The following SHROOM4 variants were observed in gnomAD, a reference collection of about 807,000 sequenced individuals.
SHROOM4 encodes the protein protein Shroom4.
Under a neutral mutation model 80.3 loss-of-function variants are expected in SHROOM4, and 17 were observed. The ratio of observed to expected loss-of-function variants is 0.21; its 90% CI spans 0.14 to 0.32. The LOEUF (loss-of-function observed/expected upper bound fraction) is 0.32, where lower values mean the gene tolerates loss of function less well. Among genes scored for constraint, SHROOM4 ranks in the 10% least tolerant of loss-of-function variants. The pLI, the probability that SHROOM4 is intolerant of heterozygous loss-of-function variation, is 1.00. For missense variants in SHROOM4, 993 were observed against 1,140.3 expected, an observed-to-expected ratio of 0.87 and a Z score of 1.86; for synonymous variants, 400 against 437.5, an observed-to-expected ratio of 0.91 and a Z score of 1.07.
intron 2 of SHROOM4, among the ~76,000 whole-genome samples, chrX:50,651,719 C>CT (rs1932073367): frequency 1.8e-5 from 2 of 111,298 alleles, no homozygotes; most frequent in Admixed American, 1.9e-4. Context: ...TCTCCTAATG[C>CT]TATCCCTCCC....
At chrX:50,599,008 T>TTGTG (rs57494031) in intron 7 of SHROOM4, among the ~76,000 whole-genome samples, 1,333 of 98,182 alleles carry the variant, frequency 0.014, 7 homozygotes, top group Non-Finnish European at 0.018. Context: ...GTGTGTGTGT[T>TTGTG]TGTGTGTGTG....
Position 50,590,582 on chromosome X carries a change from C to T in SHROOM4, c.*6113G>A, listed in dbSNP as rs1263381910. On this transcript the variant is annotated 3_prime_UTR_variant, in exon 9 of 9. Coordinates refer to ENST00000376020, the MANE Select transcript of SHROOM4 (RefSeq NM_020717.5). ...GATCCCTTTCTGTCTTTGCTGAGGA[C>T]ACAGCCACAAGGTAGCCATCTGCAA... 3.6e-5 allele frequency among the ~76,000 whole-genome samples: 4 copies of T among 111,874 alleles called. No homozygotes were observed. Among genetic ancestry groups the T allele is most frequent in the African/African-American group, 1.3e-4 (4 of 30,807 alleles).
intron 1 of SHROOM4, among the ~76,000 whole-genome samples, chrX:50,786,348 C>A (rs1187355062): frequency 8.9e-6 from 1 of 111,836 alleles, no homozygotes; most frequent in Admixed American, 9.5e-5. Context: ...TGCTATAACC[C>A]CTCTTCCCAG....
chrX:50,694,370 G>GTT (rs782772040), intron 2 of SHROOM4, among the ~76,000 whole-genome samples: 4 of 94,869 alleles, frequency 4.2e-5, no homozygotes, highest in Admixed American at 1.1e-4. Flanking sequence ...ACCAGCATCT[G>GTT]TTTTTTTTTT....
chrX:50,805,990 A>AAGCTGGTACAG (rs1936219635), intron 1 of SHROOM4, among the ~76,000 whole-genome samples: 1 of 107,261 alleles, frequency 9.3e-6, no homozygotes. Context: ...AAGAGGGACA[A>AAGCTGGTACAG]AGCTGGTACA....
intron 2 of SHROOM4, among the ~76,000 whole-genome samples, chrX:50,686,415 A>G (rs931768378): frequency 1.8e-5 from 2 of 111,316 alleles, no homozygotes; most frequent in Admixed American, 1.9e-4. Flanking sequence ...TACTTAGGAA[A>G]AAGAAAAGAG....
chrX:50,723,393 G>GGAGGGAGAGAGAGAGAGAGA (rs1557265630), intron 1 of SHROOM4, among the ~76,000 whole-genome samples: 2 of 54,469 alleles, frequency 3.7e-5, no homozygotes, highest in African/African-American at 1.3e-4. Flanking sequence ...AGCAAGGGAG[G>GGAGGGAGAGAGAGAGAGAGA]GAGAGAGAGA....
intron 2 of SHROOM4, among the ~76,000 whole-genome samples, chrX:50,662,863 A>G (rs1311603292): frequency 1.8e-5 from 2 of 111,023 alleles, no homozygotes; most frequent in Non-Finnish European, 3.8e-5. Context: ...TCACCTTGGA[A>G]CCATACAGAG....
intron 5 of SHROOM4, among the ~76,000 whole-genome samples, chrX:50,620,633 G>A (rs1426472294): frequency 1.8e-5 from 2 of 111,748 alleles, no homozygotes; most frequent in African/African-American, 3.2e-5. Flanking sequence ...CCAGAAGCAC[G>A]TTTCCTCACA....
intron 1 of SHROOM4, among the ~76,000 whole-genome samples, chrX:50,763,405 C>T (rs1201114929): frequency 9.0e-6 from 1 of 110,774 alleles, no homozygotes. Flanking sequence ...ATATTGCCTG[C>T]TTTTTTTTGT....
intron 5 of SHROOM4, among the ~76,000 whole-genome samples, chrX:50,616,662 C>T (rs1930249964): frequency 9.0e-6 from 1 of 111,242 alleles, no homozygotes; most frequent in African/African-American, 3.3e-5. Flanking sequence ...AGGCCCCAAC[C>T]CTAGAAATTG....
At chrX:50,723,010 A>G (rs1934155134) in intron 1 of SHROOM4, among the ~76,000 whole-genome samples, 1 of 108,452 alleles carries the variant, frequency 9.2e-6, no homozygotes, top group Non-Finnish European at 1.9e-5. Context: ...GAGTTGTACA[A>G]CCATCACCAC....
chrX:50,775,954 T>C lies in SHROOM4; in HGVS notation c.117+37948A>G, dbSNP rs188913278. On this transcript the variant is annotated intron_variant, in intron 1 of 8. Coordinates refer to ENST00000376020, the MANE Select transcript of SHROOM4 (RefSeq NM_020717.5). ...TTACAACAATCCTGGGACTTAAGTA[T>C]GATTGCCGTTATGACATGTGAGGAA... 3.2e-4 allele frequency among the ~76,000 whole-genome samples: 36 copies of C among 112,355 alleles called. 1 individual carries two copies. The highest frequency in any genetic ancestry group is 2.8e-3 in the Admixed American group (30 of 10,639).
chrX:50,738,894 C>A (rs1415309504), intron 1 of SHROOM4, among the ~76,000 whole-genome samples: 1 of 111,483 alleles, frequency 9.0e-6, no homozygotes, highest in Admixed American at 9.6e-5. Context: ...GCCAAAAGAA[C>A]AAAGCTGGAG....
Position 50,638,315 on chromosome X carries a change from C to T in SHROOM4, c.270-7G>A, listed in dbSNP as rs1569546908. Reference sequence around the variant, plus strand: ...ACTGACAGGGGCGTTCCTCCTACAGCAAGAAAGGGACAGGAAGTGGGCTGA... The same window carrying T: ...ACTGACAGGGGCGTTCCTCCTACAGTAAGAAAGGGACAGGAAGTGGGCTGA... On this transcript the variant is annotated splice_polypyrimidine_tract_variant and splice_region_variant and intron_variant, in intron 2 of 8. Transcript: ENST00000376020. 1.7e-6 allele frequency: 2 copies of T among 1,211,648 alleles called. No individual in the cohort carries two copies. Among genetic ancestry groups the T allele is most frequent in the Non-Finnish European group, 2.2e-6 (2 of 895,353 alleles).
chrX:50,625,788 T>C (rs1427403785), intron 5 of SHROOM4, among the ~76,000 whole-genome samples: 1 of 111,523 alleles, frequency 9.0e-6, no homozygotes, highest in African/African-American at 3.3e-5. Context: ...ACTTACCTGA[T>C]GGTAACCTTT....
chrX:50,726,645 C>T (rs1055302549), intron 1 of SHROOM4, among the ~76,000 whole-genome samples: 2 of 112,961 alleles, frequency 1.8e-5, no homozygotes, highest in East Asian at 5.6e-4. Flanking sequence ...GTGCAAGCCT[C>T]AAACCTTGGT....
At chrX:50,648,161 G>A (rs1311755678) in intron 2 of SHROOM4, among the ~76,000 whole-genome samples, 1 of 111,649 alleles carries the variant, frequency 9.0e-6, no homozygotes, top group African/African-American at 3.3e-5. Flanking sequence ...AGATAATGGT[G>A]GTTTGTTCTA....
In SHROOM4 at chrX:50,595,335, G is replaced by A. The variant is rs1378198732; in HGVS notation, c.*1360C>T. 8.6e-6 allele frequency: 1 copy of A among 116,509 alleles called. No homozygotes were observed. The highest frequency in any genetic ancestry group is 3.2e-5 in the African/African-American group (1 of 30,818). 9.6% of individuals were successfully genotyped at this position (116,509 alleles called of 1,213,427 possible). ...CTGGCTGGGTCTTCAATTGCTCTGG[G>A]GAGCTGGCTCTGGCTGGAGCTCCCA... On this transcript the variant is annotated 3_prime_UTR_variant, in exon 9 of 9. Transcript: ENST00000376020.
Sources: gnomAD v4.1 joint callset for allele counts (sites outside exome capture counted in the v4.1 genomes callset) on GRCh38, gnomAD v4.1.1 for gene constraint, MANE v1.5 for transcripts, NCBI Gene and HGNC (gene_info 2026-07-23, HGNC 2026-07-21) for gene names.